NXPH1: variants seen among roughly 807,000 people sequenced by gnomAD.
NXPH1 encodes the protein neurexophilin-1.
Under a neutral mutation model 23.7 loss-of-function variants are expected in NXPH1, and 5 were observed. The observed-to-expected ratio is 0.21, with a 90% CI of 0.11 to 0.44. The LOEUF (loss-of-function observed/expected upper bound fraction) is 0.44. Ranked by LOEUF, NXPH1 falls within the 20% of genes least tolerant of loss-of-function variation. The pLI is 0.99. For synonymous variants in NXPH1, 144 were observed against 122.2 expected, an observed-to-expected ratio of 1.18 and a Z score of -1.18; for missense variants, 324 against 321.6, an observed-to-expected ratio of 1.01 and a Z score of -0.06.
intron 2 of NXPH1, among the ~76,000 whole-genome samples, chr7:8,530,087 A>G (rs1817926650): frequency 6.6e-6 from 1 of 152,170 alleles, no homozygotes; most frequent in African/African-American, 2.4e-5. Flanking sequence ...CCCTACAACT[A>G]ATGGTAGAGG....
intron 2 of NXPH1, among the ~76,000 whole-genome samples, chr7:8,679,738 C>G (rs1170245515): frequency 6.6e-6 from 1 of 152,036 alleles, no homozygotes; most frequent in East Asian, 1.9e-4. Flanking sequence ...AAGATTTAAG[C>G]TAGGCTGGGC....
At chr7:8,597,782 A>G (rs1298553388) in intron 2 of NXPH1, among the ~76,000 whole-genome samples, 1 of 151,948 alleles carries the variant, frequency 6.6e-6, no homozygotes, top group African/African-American at 2.4e-5. Flanking sequence ...TACTCTGAAG[A>G]CCAGTCATTC....
chr7:8,464,678 G>C (rs1407927263), intron 2 of NXPH1, among the ~76,000 whole-genome samples: 3 of 152,090 alleles, frequency 2.0e-5, no homozygotes, highest in African/African-American at 7.2e-5. Flanking sequence ...TAAAATCTAG[G>C]ACAATAAAGG....
At chr7:8,712,472 G>A (rs1024457245) in intron 2 of NXPH1, among the ~76,000 whole-genome samples, 14 of 152,138 alleles carry the variant, frequency 9.2e-5, no homozygotes, top group African/African-American at 7.2e-5. Flanking sequence ...AGTGCCCACC[G>A]AATGAAAATT....
intron 2 of NXPH1, among the ~76,000 whole-genome samples, chr7:8,607,042 G>T (rs1008593314): frequency 6.6e-6 from 1 of 151,892 alleles, no homozygotes; most frequent in African/African-American, 2.4e-5. Flanking sequence ...TTTAGTTGGG[G>T]CTTTAATTCT....
intron 2 of NXPH1, among the ~76,000 whole-genome samples, chr7:8,575,743 C>T (rs1301132427): frequency 2.1e-5 from 3 of 145,808 alleles, no homozygotes; most frequent in Non-Finnish European, 4.4e-5. Flanking sequence ...AAAGGTGAGG[C>T]ATTGGGCAAT....
At chr7:8,500,925 C>T (rs1017070738) in intron 2 of NXPH1, among the ~76,000 whole-genome samples, 2 of 152,004 alleles carry the variant, frequency 1.3e-5, no homozygotes, top group Non-Finnish European at 2.9e-5. Context: ...TGAATATACA[C>T]GTCTTTAGGC....
intron 2 of NXPH1, among the ~76,000 whole-genome samples, chr7:8,546,038 G>A (rs1818192673): frequency 6.6e-6 from 1 of 151,434 alleles, no homozygotes. Flanking sequence ...CTCTTTTGAT[G>A]CCAGCTAATT....
rs7792879 is a variant in NXPH1 at position 8,733,451 on chromosome 7, G to C, written c.55-17557G>C. On this transcript the variant is annotated intron_variant, in intron 2 of 2. Transcript: ENST00000405863. The stretch of plus-strand genomic sequence containing the variant: ...TCTGGTTCTAGATCCTTGAGGAATC[G>C]CCACACTGTCTTCCTCAATGGTTGA... 9.4e-3 allele frequency among the ~76,000 whole-genome samples: 1,432 copies of C among 152,178 alleles called. 21 individuals are homozygous for C. Among genetic ancestry groups the C allele is most frequent in the African/African-American group, 0.032 (1,320 of 41,528 alleles).
chr7:8,513,688 G>A (rs542780818), intron 2 of NXPH1, among the ~76,000 whole-genome samples: 8 of 152,154 alleles, frequency 5.3e-5, no homozygotes, highest in Admixed American at 2.0e-4. Context: ...GGATGAAAAA[G>A]GTAAGGAGGA....
At chr7:8,650,532 G>T (rs1425550562) in intron 2 of NXPH1, among the ~76,000 whole-genome samples, 2 of 152,170 alleles carry the variant, frequency 1.3e-5, no homozygotes, top group African/African-American at 4.8e-5. Flanking sequence ...TCTACCAAAG[G>T]CTGCCTAATC....
chr7:8,580,784 G>T (rs1175822952), intron 2 of NXPH1, among the ~76,000 whole-genome samples: 1 of 151,924 alleles, frequency 6.6e-6, no homozygotes, highest in African/African-American at 2.4e-5. Flanking sequence ...TCTGGGGCCT[G>T]TTAGGCTTAA....
intron 2 of NXPH1, among the ~76,000 whole-genome samples, chr7:8,535,987 G>A (rs896063255): frequency 4.6e-5 from 7 of 151,804 alleles, no homozygotes; most frequent in African/African-American, 1.7e-4. Context: ...TATTTTTCAG[G>A]TCTCAACTTG....
intron 2 of NXPH1, among the ~76,000 whole-genome samples, chr7:8,695,676 AG>A (rs1821297445): frequency 6.6e-6 from 1 of 152,216 alleles, no homozygotes; most frequent in African/African-American, 2.4e-5. Flanking sequence ...TAATATACTA[AG>A]TATTTTGTGC....
At chr7:8,502,112 G>A (rs979969312) in intron 2 of NXPH1, among the ~76,000 whole-genome samples, 8 of 151,986 alleles carry the variant, frequency 5.3e-5, no homozygotes, top group Admixed American at 2.6e-4. Flanking sequence ...CTGTGGAACC[G>A]TGTGTAAGTC....
intron 2 of NXPH1, among the ~76,000 whole-genome samples, chr7:8,473,190 G>C (rs906254991): frequency 6.6e-5 from 10 of 152,144 alleles, no homozygotes; most frequent in Admixed American, 5.9e-4. Context: ...CTTCAATGTA[G>C]GGAAATGGCC....
In NXPH1 at chr7:8,508,462, T is replaced by G. The variant is rs1817565228; in HGVS notation, c.54+72695T>G. On this transcript the variant is annotated intron_variant, in intron 2 of 2. Transcript: ENST00000405863. ...TCTGTAAAATTCTTTGAACAGTGCC[T>G]CTTACATAAAAAGCATTCATTCAGT... is the stretch of plus-strand genomic sequence containing the variant. 2.0e-5 allele frequency among the ~76,000 whole-genome samples: 3 copies of G among 152,108 alleles called. No individual in the cohort carries two copies. In the South Asian group the frequency reaches 6.2e-4, roughly 31 times the overall value.
chr7:8,474,455 A>T (rs567821058), intron 2 of NXPH1, among the ~76,000 whole-genome samples: 2 of 152,268 alleles, frequency 1.3e-5, no homozygotes, highest in South Asian at 4.1e-4. Flanking sequence ...TAATAGACTC[A>T]TGCTACCATT....
intron 2 of NXPH1, among the ~76,000 whole-genome samples, chr7:8,473,835 A>G (rs1320708547): frequency 1.3e-5 from 2 of 152,048 alleles, no homozygotes; most frequent in African/African-American, 4.8e-5. Flanking sequence ...TGACTAGTCT[A>G]GATGAATCTA....
Sources: gnomAD v4.1 joint callset for allele counts (sites outside exome capture counted in the v4.1 genomes callset) on GRCh38, gnomAD v4.1.1 for gene constraint, MANE v1.5 for transcripts, NCBI Gene and HGNC (gene_info 2026-07-23, HGNC 2026-07-21) for gene names.